The following DENND1A variants were observed in gnomAD, a reference collection of about 807,000 sequenced individuals.
DENND1A encodes DENN domain containing 1A, also known as DENN domain-containing protein 1A.
Under a neutral mutation model 113.7 loss-of-function variants are expected in DENND1A, and 51 were observed. That is an observed-to-expected ratio of 0.45 (90% confidence interval 0.36 to 0.57). The LOEUF (loss-of-function observed/expected upper bound fraction) is 0.57. DENND1A is among the 20% of genes least tolerant of loss of function. The pLI is 0.00. For synonymous variants in DENND1A, 565 were observed against 570.8 expected (o/e 0.99, Z 0.14); for missense variants, 1,258 against 1,395.9 (o/e 0.90, Z 1.57).
At chr9:123,606,963 T>C (rs1481050816) in intron 11 of DENND1A, among the ~76,000 whole-genome samples, 2 of 152,108 alleles carry the variant, frequency 1.3e-5, no homozygotes, top group Non-Finnish European at 2.9e-5. Flanking sequence ...GTTGGGAATG[T>C]GGATATGTTT....
At chr9:123,486,695 CTT>C (rs1323010786) in intron 13 of DENND1A, among the ~76,000 whole-genome samples, 3 of 152,210 alleles carry the variant, frequency 2.0e-5, no homozygotes, top group African/African-American at 7.2e-5. Context: ...GTGCAAGCAC[CTT>C]GGTGAAACCA....
chr9:123,426,265 G>GCCC (rs2045723607), intron 19 of DENND1A, among the ~76,000 whole-genome samples: 1 of 152,208 alleles, frequency 6.6e-6, no homozygotes, highest in Non-Finnish European at 1.5e-5. Context: ...ATCTCAACGT[G>GCCC]TGCTGATGCT....
chr9:123,382,800 G>T (rs769768218), intron 23 of DENND1A, among the ~76,000 whole-genome samples, 175 bp from the exon 24 acceptor site: 1 of 152,266 alleles, frequency 6.6e-6, no homozygotes, highest in African/African-American at 2.4e-5. Context: ...GAGGACCCAC[G>T]TGTGCTGGGA....
At chr9:123,926,022 G>A (rs1020817426) in intron 1 of DENND1A, among the ~76,000 whole-genome samples, 1 of 152,192 alleles carries the variant, frequency 6.6e-6, no homozygotes, top group African/African-American at 2.4e-5. Context: ...CCTGCTGTGT[G>A]TCTGCATTAT....
At chr9:123,919,079 T>C (rs1030314548) in intron 1 of DENND1A, among the ~76,000 whole-genome samples, 2 of 152,176 alleles carry the variant, frequency 1.3e-5, no homozygotes, top group African/African-American at 2.4e-5. Context: ...TATCAACCAA[T>C]TGCAATGTAT....
intron 13 of DENND1A, among the ~76,000 whole-genome samples, chr9:123,469,792 G>A (rs1263487766): frequency 6.6e-6 from 1 of 152,220 alleles, no homozygotes; most frequent in African/African-American, 2.4e-5. Context: ...ATCGCGTGAG[G>A]TAGGTAGGAT....
At chr9:123,638,350 T>C (rs1222567530) in intron 9 of DENND1A, among the ~76,000 whole-genome samples, 1 of 152,150 alleles carries the variant, frequency 6.6e-6, no homozygotes, top group South Asian at 2.1e-4. Flanking sequence ...GGGGGACTGA[T>C]AACAATGTAT....
intron 18 of DENND1A, among the ~76,000 whole-genome samples, chr9:123,443,743 C>A (rs1443173375): frequency 1.3e-5 from 2 of 152,134 alleles, no homozygotes; most frequent in Non-Finnish European, 2.9e-5. Flanking sequence ...TCACTTGAGC[C>A]CAGGAGTTTG....
intron 20 of DENND1A, among the ~76,000 whole-genome samples, chr9:123,410,200 C>T (rs2044196126): frequency 6.6e-6 from 1 of 152,224 alleles, no homozygotes; most frequent in African/African-American, 2.4e-5. Context: ...GGGCACAGCC[C>T]CGGAGGTGAA....
intron 8 of DENND1A, among the ~76,000 whole-genome samples, chr9:123,665,441 G>C (rs1346682972): frequency 5.9e-5 from 9 of 152,082 alleles, no homozygotes; most frequent in Non-Finnish European, 2.9e-5. Flanking sequence ...TCAAAAAAAA[G>C]GATGCAACAT....
intron 12 of DENND1A, among the ~76,000 whole-genome samples, chr9:123,567,156 C>T (rs2136248110): frequency 6.6e-6 from 1 of 152,310 alleles, no homozygotes; most frequent in Non-Finnish European, 1.5e-5. Flanking sequence ...TCCCCCCATA[C>T]TTCTGGCAGT....
intron 19 of DENND1A, among the ~76,000 whole-genome samples, chr9:123,436,479 T>G (rs2046528023): frequency 6.6e-6 from 1 of 152,220 alleles, no homozygotes. Context: ...CACTTTTATC[T>G]CATTTGACTG....
intron 1 of DENND1A, among the ~76,000 whole-genome samples, chr9:123,884,148 T>C (rs1848692234): frequency 6.6e-6 from 1 of 152,228 alleles, no homozygotes; most frequent in Admixed American, 6.5e-5. Flanking sequence ...TAGTTGGTAT[T>C]TTCATTAAGC....
intron 5 of DENND1A, among the ~76,000 whole-genome samples, chr9:123,716,391 A>G (rs1400508772): frequency 2.6e-5 from 4 of 152,196 alleles, no homozygotes; most frequent in Non-Finnish European, 4.4e-5. Context: ...GCATTAGCTA[A>G]AAGAGTGTTC....
intron 11 of DENND1A, among the ~76,000 whole-genome samples, chr9:123,597,269 C>T (rs1335340727): frequency 2.0e-5 from 3 of 152,174 alleles, no homozygotes; most frequent in Admixed American, 2.0e-4. Context: ...ATAAACATGG[C>T]TTAGTGAGAA....
intron 19 of DENND1A, among the ~76,000 whole-genome samples, chr9:123,421,088 C>G (rs758094272): frequency 7.0e-6 from 1 of 143,210 alleles, no homozygotes; most frequent in Admixed American, 7.0e-5. Context: ...AGGATGCTGT[C>G]GAGGGTGCCT....
intron 1 of DENND1A, among the ~76,000 whole-genome samples, chr9:123,895,438 T>C (rs1181724551): frequency 2.0e-5 from 3 of 151,632 alleles, no homozygotes; most frequent in African/African-American, 7.3e-5. Context: ...CTGGCCAACA[T>C]AGTGAAGCCC....
rs577575330 is a variant in DENND1A, at chr9:123,840,391, T to TA, written c.88+38559dup. Among the ~76,000 whole-genome samples, 36 of 151,860 alleles carry TA rather than the reference T, an allele frequency of 2.4e-4. 2 individuals carry two copies. In the South Asian group the frequency reaches 4.8e-3, roughly 20 times the overall value. On this transcript the variant is annotated intron_variant, in intron 2 of 23. Transcript: ENST00000394215. ...TCAAAAAAAAAAGACTATTTAAACT[T>TA]AAAAAAAAGCACCAAAGTTTAAACA...
intron 13 of DENND1A, among the ~76,000 whole-genome samples, chr9:123,539,400 T>C (rs1012850635): frequency 1.3e-5 from 2 of 152,210 alleles, no homozygotes; most frequent in African/African-American, 4.8e-5. Flanking sequence ...TTAAAAGTCA[T>C]ATATTTTTAA....
Sources: allele counts gnomAD v4.1 joint callset (sites outside exome capture counted in the v4.1 genomes callset), GRCh38; gene constraint gnomAD v4.1.1; transcripts MANE v1.5; gene names NCBI Gene and HGNC (gene_info 2026-07-23, HGNC 2026-07-21).